Variants in GPR158 observed in about 807,000 individuals in gnomAD.
GPR158 encodes metabotropic glycine receptor.
GPR158 carries 30 observed loss-of-function variants against 78.2 expected under a neutral mutation model. The ratio of observed to expected loss-of-function variants is 0.38; its 90% CI spans 0.29 to 0.52. GPR158 has a LOEUF of 0.52. Among genes scored for constraint, GPR158 ranks in the 20% least tolerant of loss-of-function variants. The probability of loss-of-function intolerance (pLI) is 0.83; values close to 1 mark genes in which losing one functional copy is unlikely to be tolerated. For missense variants in GPR158, 1,463 were observed against 1,523.5 expected (o/e 0.96, Z 0.66); for synonymous variants, 581 against 591.1 (o/e 0.98, Z 0.25).
intron 5 of GPR158, among the ~76,000 whole-genome samples, chr10:25,538,228 T>TTGC (rs1038515781): frequency 6.6e-6 from 1 of 151,968 alleles, no homozygotes; most frequent in Non-Finnish European, 1.5e-5. Flanking sequence ...GTTGTTGTTG[T>TTGC]TGTTGTTTTG....
At chr10:25,248,327 C>A (rs1260027653) in intron 2 of GPR158, among the ~76,000 whole-genome samples, 1 of 152,086 alleles carries the variant, frequency 6.6e-6, no homozygotes, top group East Asian at 1.9e-4. Context: ...TTAATTAGAT[C>A]CCATTTGTCA....
At chr10:25,556,752 C>A (rs1836791368) in intron 6 of GPR158, among the ~76,000 whole-genome samples, 2 of 152,146 alleles carry the variant, frequency 1.3e-5, no homozygotes, top group Non-Finnish European at 2.9e-5. Flanking sequence ...AATATCCAAG[C>A]CTTACCTCAT....
intron 2 of GPR158, among the ~76,000 whole-genome samples, chr10:25,275,514 C>T (rs777288765): frequency 1.3e-5 from 2 of 152,192 alleles, no homozygotes; most frequent in Non-Finnish European, 2.9e-5. Context: ...TTTTCCAACA[C>T]CCTTCTTTCA....
At chr10:25,338,507 T>TAC (rs1024441982) in intron 2 of GPR158, among the ~76,000 whole-genome samples, 1 of 142,782 alleles carries the variant, frequency 7.0e-6, no homozygotes, top group African/African-American at 2.5e-5. Flanking sequence ...GTATATATAT[T>TAC]ACGTATAATA....
chr10:25,554,154 G>A (rs951482930), intron 6 of GPR158, among the ~76,000 whole-genome samples: 2 of 152,100 alleles, frequency 1.3e-5, no homozygotes, highest in East Asian at 3.9e-4. Context: ...GATAGCTTGA[G>A]GGATCAAAGT....
chr10:25,422,990 A>G (rs1834772010), intron 4 of GPR158, among the ~76,000 whole-genome samples: 1 of 151,832 alleles, frequency 6.6e-6, no homozygotes, highest in African/African-American at 2.4e-5. Flanking sequence ...CACTTACAAT[A>G]ATAGTTTCCA....
chr10:25,241,348 C>CTTT, intron 2 of GPR158, among the ~76,000 whole-genome samples: 1 of 113,252 alleles, frequency 8.8e-6, no homozygotes, highest in African/African-American at 4.0e-5. Context: ...TTTCTCTTTT[C>CTTT]TCTTTTCTTT....
At chr10:25,567,460 TTCATAACAA>T in intron 6 of GPR158, among the ~76,000 whole-genome samples, 1 of 152,342 alleles carries the variant, frequency 6.6e-6, no homozygotes, top group Non-Finnish European at 1.5e-5. Flanking sequence ...AGAGTTCTCA[TTCATAACAA>T]GTTTCTGGGT....
At chr10:25,367,586 T>G (rs1032329215) in intron 2 of GPR158, among the ~76,000 whole-genome samples, 1 of 151,790 alleles carries the variant, frequency 6.6e-6, no homozygotes, top group African/African-American at 2.4e-5. Flanking sequence ...GATAATAGTC[T>G]TTCAACCCAT....
Position 25,598,535 on chromosome 10 carries a change from C to T in GPR158, c.2909C>T (p.Pro970Leu), listed in dbSNP as rs1026333160. The T allele has an allele frequency of 1.9e-6, 3 of 1,613,926 alleles. No homozygotes were observed. Among genetic ancestry groups the T allele is most frequent in the Non-Finnish European group, 2.5e-6 (3 of 1,180,008 alleles). The change falls in exon 11 of 11, where the codon CCT (proline) becomes CTT (leucine). Residue 970 changes from proline (P) to leucine (L), a missense_variant. Coordinates refer to ENST00000376351, the MANE Select transcript of GPR158 (RefSeq NM_020752.3). Reference protein sequence around the residue: ...NSNPAEEPRKPQKSGIMKQQR... With the variant: ...NSNPAEEPRKLQKSGIMKQQR... ...AATCCTGCGGAGGAGCCAAGAAAGC[C>T]TCAGAAATCTGGGATTATGAAACAA...
rs540872775 is a variant in GPR158 at position 25,432,412 on chromosome 10, G to A, written c.1335+19939G>A. ...AGATGTAATAGAATTAAAAGTGCAT[G>A]GTCGTTTCAATTCTAGAAGTCTGTA... On this transcript the variant is annotated intron_variant, in intron 4 of 10. Coordinates refer to ENST00000376351, the MANE Select transcript of GPR158 (RefSeq NM_020752.3). Among the ~76,000 whole-genome samples, 29 of 152,202 alleles carry A rather than the reference G, an allele frequency of 1.9e-4. No homozygotes were observed. In the South Asian group the frequency reaches 5.8e-3, roughly 31 times the overall value.
intron 2 of GPR158, among the ~76,000 whole-genome samples, chr10:25,286,827 C>G (rs1241493391): frequency 2.0e-5 from 3 of 152,186 alleles, no homozygotes; most frequent in South Asian, 4.2e-4. Flanking sequence ...ACCAGCTTGC[C>G]ATTTCAGTAG....
At chr10:25,494,734 C>T (rs938486021) in intron 5 of GPR158, among the ~76,000 whole-genome samples, 1 of 152,050 alleles carries the variant, frequency 6.6e-6, no homozygotes, top group Admixed American at 6.5e-5. Flanking sequence ...TTGGATGTGA[C>T]TATCTGAATT....
chr10:25,561,417 A>C (rs940038500), intron 6 of GPR158, among the ~76,000 whole-genome samples: 6 of 152,206 alleles, frequency 3.9e-5, no homozygotes, highest in African/African-American at 1.4e-4. Flanking sequence ...GAAATAAACA[A>C]GCATGTAATT....
At chr10:25,414,778 ATAAT>A (rs1158993144) in intron 4 of GPR158, among the ~76,000 whole-genome samples, 2 of 152,124 alleles carry the variant, frequency 1.3e-5, no homozygotes, top group Admixed American at 1.3e-4. Context: ...CTACTTATTG[ATAAT>A]TAAGAGAACA....
At chr10:25,215,437 A>G (rs1853195772) in intron 1 of GPR158, among the ~76,000 whole-genome samples, 1 of 152,256 alleles carries the variant, frequency 6.6e-6, no homozygotes, top group Admixed American at 6.5e-5. Flanking sequence ...AAGAGTTCTC[A>G]AGATTGGTTG....
chr10:25,387,933 T>G (rs1042755453), intron 2 of GPR158, among the ~76,000 whole-genome samples: 10 of 152,290 alleles, frequency 6.6e-5, no homozygotes, highest in Admixed American at 3.3e-4. Context: ...GGAAGTTTTT[T>G]GATTACTGAA....
chr10:25,260,090 G>C (rs1853946941), intron 2 of GPR158, among the ~76,000 whole-genome samples: 2 of 152,024 alleles, frequency 1.3e-5, no homozygotes, highest in Non-Finnish European at 2.9e-5. Context: ...AATAAGAATA[G>C]GAATTTCTAT....
At chr10:25,323,352 T>C (rs1438788602) in intron 2 of GPR158, among the ~76,000 whole-genome samples, 1 of 152,120 alleles carries the variant, frequency 6.6e-6, no homozygotes, top group African/African-American at 2.4e-5. Flanking sequence ...CCAGCTGCAT[T>C]AGATCCTAGC....
Sources: allele counts gnomAD v4.1 joint callset (sites outside exome capture counted in the v4.1 genomes callset), GRCh38; gene constraint gnomAD v4.1.1; transcripts MANE v1.5; gene names NCBI Gene and HGNC (gene_info 2026-07-23, HGNC 2026-07-21).